Variants in EHMT1 observed in about 807,000 individuals in gnomAD.
The protein encoded by EHMT1 is euchromatic histone lysine methyltransferase 1.
A neutral mutation model predicts 147.2 loss-of-function variants in EHMT1; 15 were observed. The ratio of observed to expected loss-of-function variants is 0.10; its 90% CI spans 0.07 to 0.16. EHMT1 has a LOEUF of 0.16. Ranked by LOEUF, EHMT1 falls within the 10% of genes least tolerant of loss-of-function variation. The pLI is 1.00. For synonymous variants in EHMT1, 795 were observed against 709.6 expected, an observed-to-expected ratio of 1.12 and a Z score of -1.91; for missense variants, 1,587 against 1,772.4, an observed-to-expected ratio of 0.90 and a Z score of 1.88.
chr9:137,802,445 A>T (rs1953574109), intron 18 of EHMT1: 1 of 398,628 alleles, frequency 2.5e-6, no homozygotes, highest in East Asian at 3.6e-5. Flanking sequence ...GTCCAGCCAC[A>T]AATAAACCCA....
At chr9:137,626,502 G>A (rs1843267126) in intron 1 of EHMT1, among the ~76,000 whole-genome samples, 1 of 144,874 alleles carries the variant, frequency 6.9e-6, no homozygotes, top group African/African-American at 2.6e-5. Context: ...CAGCCTGGGT[G>A]ACAGAGTGAG....
chr9:137,621,945 T>C (rs1267270721), intron 1 of EHMT1, among the ~76,000 whole-genome samples: 2 of 151,952 alleles, frequency 1.3e-5, no homozygotes, highest in African/African-American at 2.4e-5. Context: ...TGTCTTTCTT[T>C]TTTTTTTCTT....
intron 1 of EHMT1, among the ~76,000 whole-genome samples, chr9:137,673,898 A>C (rs1940953299): frequency 1.3e-5 from 2 of 152,204 alleles, no homozygotes; most frequent in Non-Finnish European, 1.5e-5. Flanking sequence ...TACTAGCAGG[A>C]CCTGAGAGTC....
chr9:137,715,753 G>A (rs1945155618), intron 2 of EHMT1: 4 of 985,292 alleles, frequency 4.1e-6, no homozygotes, highest in Non-Finnish European at 3.6e-6. Context: ...GACCACGGAT[G>A]TGCTCCAAGT....
intron 17 of EHMT1, chr9:137,800,536 C>G (rs892180764): frequency 1.2e-5 from 4 of 342,394 alleles, no homozygotes; most frequent in Non-Finnish European, 1.7e-5. Flanking sequence ...TTTCAGCTCC[C>G]GTGTGTGTGC....
At chr9:137,645,693 GA>G (rs1844835205) in intron 1 of EHMT1, among the ~76,000 whole-genome samples, 1 of 152,132 alleles carries the variant, frequency 6.6e-6, no homozygotes, top group Admixed American at 6.5e-5. Context: ...GAATCTTAGA[GA>G]AGGGTTGGCT....
intron 16 of EHMT1, among the ~76,000 whole-genome samples, chr9:137,793,934 A>G (rs1054865917): frequency 6.6e-6 from 1 of 152,210 alleles, no homozygotes; most frequent in African/African-American, 2.4e-5. Context: ...GTAATGAAAA[A>G]GTTTTGGAAA....
In EHMT1 at chr9:137,728,443, G is replaced by T. The variant is rs144871446; in HGVS notation, c.737G>T (p.Arg246Leu). 6.2e-7 allele frequency: 1 copy of T among 1,614,146 alleles called. No homozygotes were observed. Among genetic ancestry groups the T allele is most frequent in the East Asian group, 2.2e-5 (1 of 44,884 alleles). ...AACAAAAACATTTCTGACTTTGGAC[G>T]ACAGCAGCTTTTACCCCCCTTCCCA... ...EINKNISDFG[R>L]QQLLPPFPSL... The change falls in exon 4 of 27, where the codon CGA becomes CTA. Residue 246 changes from arginine to leucine, a missense_variant. Arg to Leu is a moderately radical substitution (Grantham distance 102). Around this residue, in one of 7 missense-constraint regions of EHMT1, gnomAD observed 810 missense variants for 673.0 expected, o/e 1.20. Coordinates refer to ENST00000460843, the MANE Select transcript of EHMT1 (RefSeq NM_024757.5).
At chr9:137,767,178 G>T (rs921836209) in intron 10 of EHMT1, among the ~76,000 whole-genome samples, 1 of 152,124 alleles carries the variant, frequency 6.6e-6, no homozygotes, top group Non-Finnish European at 1.5e-5. Context: ...GGAGTGCAGC[G>T]GTGCAGGCAG....
intron 25 of EHMT1, among the ~76,000 whole-genome samples, chr9:137,820,702 C>G (rs1173618365): frequency 6.6e-6 from 1 of 152,184 alleles, no homozygotes; most frequent in African/African-American, 2.4e-5. Context: ...ACCTGGCTGA[C>G]TCAGCACTGC....
intron 1 of EHMT1, among the ~76,000 whole-genome samples, chr9:137,696,869 C>T (rs1409482708): frequency 6.6e-6 from 1 of 152,202 alleles, no homozygotes; most frequent in Non-Finnish European, 1.5e-5. Flanking sequence ...GGGAGCATGC[C>T]TGCGTCTTCC....
chr9:137,658,729 CA>C (rs1165428723), intron 1 of EHMT1, among the ~76,000 whole-genome samples: 3 of 152,094 alleles, frequency 2.0e-5, no homozygotes, highest in African/African-American at 7.2e-5. Context: ...TTTCCCACCT[CA>C]CCCTCCTGAG....
chr9:137,630,933 G>T (rs1843587084), intron 1 of EHMT1, among the ~76,000 whole-genome samples: 1 of 152,110 alleles, frequency 6.6e-6, no homozygotes, highest in African/African-American at 2.4e-5. Flanking sequence ...AAGATTTTAG[G>T]CATGGAATGA....
chr9:137,794,036 A>G (rs955352017), intron 16 of EHMT1, among the ~76,000 whole-genome samples: 1 of 152,240 alleles, frequency 6.6e-6, no homozygotes, highest in Non-Finnish European at 1.5e-5. Flanking sequence ...ACAACATTTA[A>G]ATTCTTAGTC....
In EHMT1 at chr9:137,635,692, C is replaced by T. The variant is rs565907190; in HGVS notation, c.21+16643C>T. 1.5e-3 allele frequency among the ~76,000 whole-genome samples: 223 copies of T among 150,844 alleles called. 2 individuals carry two copies. Among genetic ancestry groups the T allele is most frequent in the African/African-American group, 5.0e-3 (207 of 41,248 alleles). Reference sequence around the variant, plus strand: ...AAAATTAGTGGGACGTGGTGGCGGGCGCCTGTAGTTCCAGCTACTCGGGAG... The same window carrying T: ...AAAATTAGTGGGACGTGGTGGCGGGTGCCTGTAGTTCCAGCTACTCGGGAG... On this transcript the variant is annotated intron_variant, in intron 1 of 26. Transcript: ENST00000460843.
chr9:137,795,200 A>C (rs780213470), intron 16 of EHMT1: 1 of 152,190 alleles, frequency 6.6e-6, no homozygotes, highest in Non-Finnish European at 1.5e-5. Context: ...TAAGCTTCCA[A>C]ATCAAGGCCA....
intron 22 of EHMT1, chr9:137,815,722 G>A (rs1017395436): frequency 1.2e-5 from 7 of 569,352 alleles, no homozygotes; most frequent in African/African-American, 1.9e-5. Context: ...GCCTAGGGGA[G>A]CGCTCCAGGG....
In EHMT1 at chr9:137,828,749, C is replaced by G. The variant is rs1955994472; in HGVS notation, c.3541-5600C>G. 6.6e-6 allele frequency among the ~76,000 whole-genome samples: 1 copy of G among 152,132 alleles called. No individual in the cohort carries two copies. ...CCGGTGGTTCTGGACAGAAAAACCA[C>G]AAAAATGAGAAGACCAGGAATAGCA... On this transcript the variant is annotated intron_variant, in intron 25 of 26. Transcript: ENST00000460843. This position sits in a 1 kb window ranked among gnomAD's most constrained non-coding sequence, Gnocchi z 5.3.
At chr9:137,792,832 T>TA (rs1952626666) in intron 16 of EHMT1, among the ~76,000 whole-genome samples, 1 of 152,182 alleles carries the variant, frequency 6.6e-6, no homozygotes, top group Non-Finnish European at 1.5e-5. Flanking sequence ...TTGGATATGA[T>TA]ACAAAAGCAT....
Sources: allele counts gnomAD v4.1 joint callset (sites outside exome capture counted in the v4.1 genomes callset), GRCh38; gene constraint gnomAD v4.1.1; regional missense constraint gnomAD v4.1.1; non-coding constraint Gnocchi (gnomAD v3.1); transcripts MANE v1.5; gene names NCBI Gene and HGNC (gene_info 2026-07-23, HGNC 2026-07-21).